The following ZPBP variants were observed in gnomAD, a reference collection of about 807,000 sequenced individuals.
The protein encoded by ZPBP is zona pellucida-binding protein 1.
A neutral mutation model predicts 44.8 loss-of-function variants in ZPBP; 26 were observed. The observed-to-expected ratio is 0.58, with a 90% confidence interval of 0.43 to 0.81. ZPBP has a LOEUF of 0.81. Ranked by LOEUF, ZPBP falls within the 30% of genes least tolerant of loss-of-function variation. The pLI is 0.00. For synonymous variants in ZPBP, 174 were observed against 153.2 expected (o/e 1.14, Z -1.00); for missense variants, 409 against 434.0 (o/e 0.94, Z 0.51).
At chr7:49,898,127 G>GTGTA in intron 2 of ZPBP, among the ~76,000 whole-genome samples, 1 of 151,860 alleles carries the variant, frequency 6.6e-6, no homozygotes, top group Non-Finnish European at 1.5e-5. Flanking sequence ...GTGTGTGTGT[G>GTGTA]TGTATGTATG....
intron 3 of ZPBP, 69 bp downstream of exon 3, chr7:50,081,705 A>C: frequency 6.4e-7 from 1 of 1,564,886 alleles, no homozygotes; most frequent in Non-Finnish European, 8.8e-7. Flanking sequence ...TGAGATACAA[A>C]CATTCTTTTT....
At chr7:49,926,808 G>A (rs190211832) in intron 1 of ZPBP, among the ~76,000 whole-genome samples, 4 of 152,362 alleles carry the variant, frequency 2.6e-5, no homozygotes, top group African/African-American at 9.6e-5. Flanking sequence ...TAATAATGCA[G>A]GAGAGCAGGA....
At chr7:50,068,125 T>G (rs1456598229) in intron 3 of ZPBP, among the ~76,000 whole-genome samples, 1 of 152,164 alleles carries the variant, frequency 6.6e-6, no homozygotes, top group African/African-American at 2.4e-5. Context: ...AGACTCCTTT[T>G]TTTCTCCTCT....
At chr7:49,929,290 A>G (rs1794367063) in intron 1 of ZPBP, among the ~76,000 whole-genome samples, 1 of 152,212 alleles carries the variant, frequency 6.6e-6, no homozygotes, top group East Asian at 1.9e-4. Context: ...AGAAAGAAGG[A>G]GAGATGCACC....
In ZPBP at chr7:49,981,663, A is replaced by AT. The variant is rs1562820484; in HGVS notation, c.961+1678dup. ...ATTATATAATATCTTGATATAAAATATATATTATATATTATATATAATAAT... is the reference window on the plus strand; with the variant it reads ...ATTATATAATATCTTGATATAAAATATTATATTATATATTATATATAATAAT... On this transcript the variant is annotated intron_variant, in intron 7 of 7. Coordinates refer to ENST00000046087, the MANE Select transcript of ZPBP (RefSeq NM_007009.3). Among the ~76,000 whole-genome samples, 48 of 65,378 alleles carry AT rather than the reference A, an allele frequency of 7.3e-4. 10 individuals carry two copies. The highest frequency in any genetic ancestry group is 6.3e-3 in the Admixed American group (24 of 3,784). 42.9% of individuals were successfully genotyped at this position (65,378 alleles called of 152,430 possible).
intron 7 of ZPBP, among the ~76,000 whole-genome samples, chr7:49,980,149 T>C (rs1450915895): frequency 1.7e-5 from 2 of 115,734 alleles, no homozygotes; most frequent in East Asian, 4.4e-4. Flanking sequence ...ATTTATATTA[T>C]AATTATATAT....
chr7:50,079,109 T>C (rs1802244346), intron 3 of ZPBP, among the ~76,000 whole-genome samples: 2 of 151,624 alleles, frequency 1.3e-5, no homozygotes, highest in African/African-American at 4.8e-5. Flanking sequence ...AACTACTTTA[T>C]GCATATAAAT....
chr7:50,016,984 C>G (rs1798846980), intron 6 of ZPBP, among the ~76,000 whole-genome samples: 1 of 152,068 alleles, frequency 6.6e-6, no homozygotes, highest in African/African-American at 2.4e-5. Flanking sequence ...CAGTTCCCAG[C>G]CTTTTTGGCA....
intron 4 of ZPBP, among the ~76,000 whole-genome samples, chr7:50,054,301 A>C (rs1800827852): frequency 6.6e-6 from 1 of 152,190 alleles, no homozygotes; most frequent in Admixed American, 6.5e-5. Flanking sequence ...TAAACATCTT[A>C]AGTGAGAGAA....
downstream of ZPBP, among the ~76,000 whole-genome samples, chr7:49,847,236 AT>A (rs1292098958): frequency 6.9e-6 from 1 of 144,192 alleles, no homozygotes; most frequent in African/African-American, 2.7e-5. Context: ...AATATAATAT[AT>A]ATAATATAAT....
rs189555344 is a variant in ZPBP at position 50,045,911 on chromosome 7, A to G, written c.487+12078T>C. Among the ~76,000 whole-genome samples, 69 of 152,290 alleles carry G rather than the reference A, an allele frequency of 4.5e-4. No individual in the cohort carries two copies. In the East Asian group the frequency reaches 6.0e-3, roughly 13 times the overall value. On this transcript the variant is annotated intron_variant, in intron 4 of 7. Transcript: ENST00000046087. The stretch of plus-strand genomic sequence containing the variant: ...ACTTCAAACTATACTACAAGGCTAC[A>G]GTAACCAAAACAGCATGGTACTGGT...
At chr7:49,858,238 A>G (rs1790504584) in intron 2 of ZPBP, among the ~76,000 whole-genome samples, 1 of 152,214 alleles carries the variant, frequency 6.6e-6, no homozygotes, top group Admixed American at 6.5e-5. Context: ...ACATGCTGCT[A>G]TAATGACACA....
chr7:49,983,628 CATT>C (rs1797126836), intron 6 of ZPBP, 109 bp from the exon 7 acceptor site: 1 of 684,294 alleles, frequency 1.5e-6, no homozygotes, highest in Non-Finnish European at 2.4e-6. Flanking sequence ...GTCTCAAGGT[CATT>C]ATTTTTTCTT....
At chr7:50,070,230 G>T (rs1320033509) in intron 3 of ZPBP, among the ~76,000 whole-genome samples, 1 of 152,128 alleles carries the variant, frequency 6.6e-6, no homozygotes, top group Non-Finnish European at 1.5e-5. Flanking sequence ...GGGACACAAG[G>T]TTCATCCAAA....
intron 4 of ZPBP, among the ~76,000 whole-genome samples, chr7:50,042,094 T>C (rs530888940): frequency 2.1e-4 from 32 of 151,810 alleles, no homozygotes; most frequent in Admixed American, 1.1e-3. Flanking sequence ...ATCAACTTAA[T>C]GAAATAAAGC....
intron 1 of ZPBP, among the ~76,000 whole-genome samples, chr7:49,926,994 T>G (rs1350207768): frequency 6.6e-6 from 1 of 152,082 alleles, no homozygotes; most frequent in Non-Finnish European, 1.5e-5. Flanking sequence ...GGAATCAGAG[T>G]GCAGCAATGG....
Position 49,960,080 on chromosome 7 carries a change from A to G in ZPBP, c.962-22458T>C, listed in dbSNP as rs139885204. Among the ~76,000 whole-genome samples, 640 of 152,272 alleles carry G rather than the reference A, an allele frequency of 4.2e-3. 3 individuals carry two copies. Among genetic ancestry groups the G allele is most frequent in the African/African-American group, 0.015 (622 of 41,564 alleles). On this transcript the variant is annotated intron_variant, in intron 7 of 7. Transcript: ENST00000046087. ...TTTCTCACACCAAACAGAAAAATCA[A>G]CTCAAAATGGATCATGGACCTAAAT...
intron 6 of ZPBP, among the ~76,000 whole-genome samples, chr7:50,013,521 ATAGTC>A (rs1369673953): frequency 6.6e-6 from 1 of 152,066 alleles, no homozygotes; most frequent in East Asian, 1.9e-4. Context: ...CTAGGTAATA[ATAGTC>A]TATTTTGAAA....
chr7:49,900,651 A>T (rs1392042662), intron 2 of ZPBP, among the ~76,000 whole-genome samples: 3 of 151,850 alleles, frequency 2.0e-5, no homozygotes, highest in Non-Finnish European at 4.4e-5. Context: ...TAAAAGAGAT[A>T]TAATCAATAA....
Sources: allele counts gnomAD v4.1 joint callset (sites outside exome capture counted in the v4.1 genomes callset), GRCh38; gene constraint gnomAD v4.1.1; transcripts MANE v1.5; gene names NCBI Gene and HGNC (gene_info 2026-07-23, HGNC 2026-07-21).